Variants in ZSWIM6 observed in about 807,000 individuals in gnomAD.
ZSWIM6 encodes zinc finger SWIM-type containing 6, also known as zinc finger SWIM domain-containing protein 6.
Under a neutral mutation model 113.2 loss-of-function variants are expected in ZSWIM6, and 9 were observed. The ratio of observed to expected loss-of-function variants is 0.08; its 90% CI spans 0.05 to 0.14. ZSWIM6 has a LOEUF of 0.14. ZSWIM6 is among the 10% of genes least tolerant of loss of function. The pLI, the probability that ZSWIM6 is intolerant of heterozygous loss-of-function variation, is 1.00. For synonymous variants in ZSWIM6, 611 were observed against 606.5 expected, an observed-to-expected ratio of 1.01 and a Z score of -0.11; for missense variants, 1,162 against 1,552.2, an observed-to-expected ratio of 0.75 and a Z score of 4.22.
intron 1 of ZSWIM6, among the ~76,000 whole-genome samples, chr5:61,377,531 A>G (rs1478592467): frequency 6.6e-6 from 1 of 152,170 alleles, no homozygotes; most frequent in East Asian, 1.9e-4. Context: ...CAGCCTGGCC[A>G]TCATGGTGAA....
intron 2 of ZSWIM6, among the ~76,000 whole-genome samples, chr5:61,484,028 A>G (rs1405463773): frequency 6.6e-6 from 1 of 152,020 alleles, no homozygotes; most frequent in African/African-American, 2.4e-5. Context: ...ATTAGCATGA[A>G]AAAAAATAAG....
chr5:61,465,758 T>G (rs6449535), intron 1 of ZSWIM6, among the ~76,000 whole-genome samples: 57,224 of 152,014 alleles, frequency 0.38, 10,912 homozygotes, highest in South Asian at 0.43. Flanking sequence ...AATTTGCCAT[T>G]GTTTTTCTCT....
intron 9 of ZSWIM6, among the ~76,000 whole-genome samples, chr5:61,534,400 A>AT (rs1749520409): frequency 1.3e-5 from 2 of 152,220 alleles, no homozygotes; most frequent in South Asian, 4.1e-4. Context: ...TATTGTGCTC[A>AT]TAACCAACCA....
At chr5:61,521,230 G>A in intron 4 of ZSWIM6, 33 bp from the exon 5 acceptor site, 1 of 1,245,710 alleles carries the variant, frequency 8.0e-7, no homozygotes, top group Non-Finnish European at 1.0e-6. Flanking sequence ...TATAATTTTT[G>A]AACATTTATT....
intron 1 of ZSWIM6, among the ~76,000 whole-genome samples, chr5:61,418,679 G>A (rs1579986588): frequency 6.6e-6 from 1 of 152,148 alleles, no homozygotes; most frequent in African/African-American, 2.4e-5. Context: ...TATGGATGTG[G>A]TACTTTAAGG....
intron 1 of ZSWIM6, among the ~76,000 whole-genome samples, chr5:61,426,181 C>T (rs1746459276): frequency 6.6e-6 from 1 of 152,154 alleles, no homozygotes; most frequent in African/African-American, 2.4e-5. Context: ...TGATGAAGTA[C>T]TATTTTCACA....
intron 1 of ZSWIM6, among the ~76,000 whole-genome samples, chr5:61,405,058 G>C (rs1377370848): frequency 6.6e-6 from 1 of 152,166 alleles, no homozygotes. Flanking sequence ...AAGGGTTTCC[G>C]AACCAACAGC....
At chr5:61,350,579 T>C (rs560682906) in intron 1 of ZSWIM6, among the ~76,000 whole-genome samples, 5 of 152,184 alleles carry the variant, frequency 3.3e-5, no homozygotes, top group Non-Finnish European at 7.3e-5. Context: ...TAAAGATATG[T>C]AAATTTTATA....
At chr5:61,486,720 C>A (rs867314566) in intron 2 of ZSWIM6, among the ~76,000 whole-genome samples, 1 of 152,066 alleles carries the variant, frequency 6.6e-6, no homozygotes, top group South Asian at 2.1e-4. Context: ...TTTCATGTGC[C>A]TGTTGGCCAT....
At chr5:61,453,867 G>A (rs1397147313) in intron 1 of ZSWIM6, among the ~76,000 whole-genome samples, 1 of 151,924 alleles carries the variant, frequency 6.6e-6, no homozygotes, top group African/African-American at 2.4e-5. Context: ...AATATTGGGG[G>A]GGGGAAGATA....
chr5:61,513,328 A>C (rs1748839275), intron 4 of ZSWIM6, among the ~76,000 whole-genome samples: 1 of 152,066 alleles, frequency 6.6e-6, no homozygotes, highest in South Asian at 2.1e-4. Flanking sequence ...TTATTGAGTT[A>C]AACTCCTTAA....
At chr5:61,462,028 G>T (rs1207201171) in intron 1 of ZSWIM6, among the ~76,000 whole-genome samples, 1 of 152,196 alleles carries the variant, frequency 6.6e-6, no homozygotes, top group Non-Finnish European at 1.5e-5. Flanking sequence ...TTCCCAGCTG[G>T]CTCTCTACAG....
At position 61,444,932 on chromosome 5, in the gene ZSWIM6, C is replaced by T. The variant is rs549200293; in HGVS notation, c.677-27749C>T. On this transcript the variant is annotated intron_variant, in intron 1 of 13. Transcript: ENST00000252744. ...ATTTAGCAGGAGTGGGTACCTTTTTCGGACCTACGAGTCAAAGCCCTGTAA... is the reference window on the plus strand; with the variant it reads ...ATTTAGCAGGAGTGGGTACCTTTTTTGGACCTACGAGTCAAAGCCCTGTAA... 5.3e-5 allele frequency among the ~76,000 whole-genome samples: 8 copies of T among 152,216 alleles called. No homozygotes were observed. In the South Asian group the frequency reaches 8.3e-4, roughly 16 times the overall value.
intron 1 of ZSWIM6, among the ~76,000 whole-genome samples, chr5:61,456,684 A>G (rs1747211172): frequency 6.6e-6 from 1 of 152,156 alleles, no homozygotes; most frequent in Admixed American, 6.5e-5. Flanking sequence ...TGTGTTCAGT[A>G]GAGGTTGAAA....
Position 61,543,735 on chromosome 5 carries a change from G to C in ZSWIM6, c.3066G>C (p.Thr1022=), listed in dbSNP as rs1251656131. Residue 1022 remains threonine, a synonymous_variant, in exon 14 of 14, where the codon ACG becomes ACC. Coordinates refer to ENST00000252744, the MANE Select transcript of ZSWIM6 (RefSeq NM_020928.2). The surrounding 1 kb of genome is among the most constrained non-coding windows in gnomAD (Gnocchi z 4.3). Reference sequence around the variant, plus strand: ...ACCAAATTGTTCTCGACGCTGCTACGACTGGCATGAGCTATACACAGCTCT... The same window carrying C: ...ACCAAATTGTTCTCGACGCTGCTACCACTGGCATGAGCTATACACAGCTCT... The part of the protein sequence containing the change: ...TAYQIVLDAA[T]TGMSYTQLFT... The C allele has an allele frequency of 6.4e-7, 1 of 1,551,676 alleles. No individual in the cohort carries two copies. The highest frequency in any genetic ancestry group is 2.4e-5 in the East Asian group (1 of 40,922).
intron 1 of ZSWIM6, among the ~76,000 whole-genome samples, chr5:61,453,065 T>C (rs1747119333): frequency 6.6e-6 from 1 of 152,196 alleles, no homozygotes; most frequent in South Asian, 2.1e-4. Flanking sequence ...ATCAGGGAAG[T>C]ACATGATAGC....
At chr5:61,413,740 T>C (rs955557443) in intron 1 of ZSWIM6, among the ~76,000 whole-genome samples, 12 of 152,158 alleles carry the variant, frequency 7.9e-5, no homozygotes, top group Non-Finnish European at 4.4e-5. Context: ...TGGTATCTCA[T>C]TGTGGTTTTG....
chr5:61,441,912 G>A (rs944211095), intron 1 of ZSWIM6, among the ~76,000 whole-genome samples: 32 of 152,312 alleles, frequency 2.1e-4, no homozygotes, highest in South Asian at 1.2e-3. Context: ...TAAGTATTAC[G>A]AGGGAAGAAG....
chr5:61,411,522 A>G (rs1407921397), intron 1 of ZSWIM6, among the ~76,000 whole-genome samples: 1 of 152,252 alleles, frequency 6.6e-6, no homozygotes, highest in Non-Finnish European at 1.5e-5. Context: ...ACTTTTGTCT[A>G]GTTAACACAT....
Sources: allele counts gnomAD v4.1 joint callset (sites outside exome capture counted in the v4.1 genomes callset), GRCh38; gene constraint gnomAD v4.1.1; non-coding constraint Gnocchi (gnomAD v3.1); transcripts MANE v1.5; gene names NCBI Gene and HGNC (gene_info 2026-07-23, HGNC 2026-07-21).